Variants in TTC23 observed in about 807,000 individuals in gnomAD.
TTC23 encodes the protein tetratricopeptide repeat domain 23.
A neutral mutation model predicts 55.1 loss-of-function variants in TTC23; 58 were observed. That is an observed-to-expected ratio of 1.05 (90% CI 0.85 to 1.31). The LOEUF (loss-of-function observed/expected upper bound fraction) is 1.31, where lower values mean the gene tolerates loss of function less well. Ranked by LOEUF, TTC23 falls within the 50% of genes most tolerant of loss-of-function variation. TTC23 has a pLI of 0.00. For missense variants in TTC23, 516 were observed against 534.4 expected, an observed-to-expected ratio of 0.97 and a Z score of 0.34; for synonymous variants, 203 against 199.9, an observed-to-expected ratio of 1.02 and a Z score of -0.13.
intron 9 of TTC23, among the ~76,000 whole-genome samples, chr15:99,198,415 A>C (rs1267530327): frequency 6.6e-6 from 1 of 151,978 alleles, no homozygotes; most frequent in South Asian, 2.1e-4. Flanking sequence ...CTGCCTCCTA[A>C]ATCTTTCCTA....
At chr15:99,151,669 A>G (rs782091848) in intron 12 of TTC23, among the ~76,000 whole-genome samples, 3 of 152,202 alleles carry the variant, frequency 2.0e-5, no homozygotes, top group Non-Finnish European at 2.9e-5. Context: ...TGTCAGTGAC[A>G]ACCCAAAGAC....
Position 99,161,835 on chromosome 15 carries a change from C to T in TTC23, c.898G>A (p.Ala300Thr), listed in dbSNP as rs1239107612. The T allele has an allele frequency of 1.5e-5, 24 of 1,611,460 alleles. No homozygotes were observed. Among genetic ancestry groups the T allele is most frequent in the Non-Finnish European group, 2.0e-5 (23 of 1,179,450 alleles). ...VAEQYFQESM[A>T]HLKDSEGMGR... is the part of the protein sequence containing the mutation. Reference sequence around the variant, plus strand: ...ATCCCTTCAGAATCCTTAAGATGAGCCATGCTCTCTTGAAAATACTGCTCA... The same window carrying T: ...ATCCCTTCAGAATCCTTAAGATGAGTCATGCTCTCTTGAAAATACTGCTCA... The change falls in exon 11 of 14, where the codon GCT (alanine) becomes ACT (threonine). Residue 300 changes from alanine to threonine, a missense_variant. By Grantham distance (58) the Ala-to-Thr change is moderately conservative. Coordinates refer to ENST00000394132, the MANE Select transcript of TTC23 (RefSeq NM_001288615.3).
intron 9 of TTC23, among the ~76,000 whole-genome samples, chr15:99,194,385 G>A (rs2075514817): frequency 6.6e-6 from 1 of 151,978 alleles, no homozygotes; most frequent in Non-Finnish European, 1.5e-5. Flanking sequence ...AAGACAGTGT[G>A]GCAGTGGCAA....
intron 10 of TTC23, among the ~76,000 whole-genome samples, chr15:99,162,834 C>T (rs140951063): frequency 0.018 from 2,720 of 152,142 alleles, 82 homozygotes; most frequent in African/African-American, 0.062. Flanking sequence ...AATCCCAGCA[C>T]TTTGGGAGGC....
At chr15:99,144,573 G>A (rs1338024825) in intron 12 of TTC23, 1 of 152,272 alleles carries the variant, frequency 6.6e-6, no homozygotes, top group Non-Finnish European at 1.5e-5. Context: ...GATGATGAAG[G>A]TACTGATGGA....
intron 9 of TTC23, 57 bp from the exon 10 acceptor site, chr15:99,175,212 A>T (rs1378873148): frequency 7.1e-7 from 1 of 1,409,450 alleles, no homozygotes; most frequent in African/African-American, 1.4e-5. Flanking sequence ...AGCAGCAGGG[A>T]ATTAACTGTC....
At chr15:99,242,468 A>G (rs2079897199) in intron 2 of TTC23, among the ~76,000 whole-genome samples, 1 of 152,236 alleles carries the variant, frequency 6.6e-6, no homozygotes. Flanking sequence ...CAGAAGATAG[A>G]GAAGGAAACT....
chr15:99,246,029 C>T (rs933255877), intron 1 of TTC23, among the ~76,000 whole-genome samples: 42 of 151,926 alleles, frequency 2.8e-4, no homozygotes, highest in Admixed American at 2.2e-3. Flanking sequence ...AGGCTGTTCT[C>T]GAGCTCCTGA....
intron 8 of TTC23, among the ~76,000 whole-genome samples, chr15:99,203,014 A>G (rs927099390): frequency 2.6e-4 from 39 of 152,278 alleles, no homozygotes; most frequent in Admixed American, 1.2e-3. Context: ...TGCACACCAT[A>G]TGCAACAGCC....
At chr15:99,145,560 T>G (rs1361878234) in intron 12 of TTC23, among the ~76,000 whole-genome samples, 56 of 63,906 alleles carry the variant, frequency 8.8e-4, no homozygotes, top group South Asian at 1.6e-3. Context: ...TGGAGGGAGG[T>G]GGTGGGGATG....
intron 13 of TTC23, chr15:99,138,989 G>C (rs1325622515): frequency 9.8e-6 from 4 of 407,226 alleles, no homozygotes; most frequent in African/African-American, 2.1e-5. Flanking sequence ...CGAGGGCAGA[G>C]GGAAGCCGGA....
chr15:99,204,501 T>A (rs1187960380), intron 8 of TTC23, among the ~76,000 whole-genome samples: 1 of 152,078 alleles, frequency 6.6e-6, no homozygotes, highest in South Asian at 2.1e-4. Flanking sequence ...GTGATCCCAT[T>A]TGTCCAGTTT....
In TTC23 at chr15:99,236,300, T is replaced by TAAA. The variant is rs1407112113; in HGVS notation, c.-113-1221_-113-1220insTTT. On this transcript the variant is annotated intron_variant, in intron 3 of 13. Coordinates refer to ENST00000394132, the MANE Select transcript of TTC23 (RefSeq NM_001288615.3). ...ATTCCTCCACATTCCCGACAAAACT[T>TAAA]ATTTTCTTTTTTTAATAATAGCCAT... Among the ~76,000 whole-genome samples, 4 of 152,112 alleles carry TAAA rather than the reference T, an allele frequency of 2.6e-5. No homozygotes were observed. The East Asian group carries it at 7.7e-4, about 29-fold the overall frequency.
chr15:99,231,300 G>GT (rs1436733468), intron 4 of TTC23, among the ~76,000 whole-genome samples: 1 of 152,124 alleles, frequency 6.6e-6, no homozygotes, highest in Admixed American at 6.5e-5. Context: ...AAAGTTAACT[G>GT]TAGAAAAGCC....
chr15:99,193,661 T>C (rs1031523168), intron 9 of TTC23, among the ~76,000 whole-genome samples: 9 of 152,192 alleles, frequency 5.9e-5, no homozygotes, highest in African/African-American at 2.2e-4. Flanking sequence ...CTGATGTCTT[T>C]CCATGAACTT....
At chr15:99,175,177 A>T (rs749925997) in intron 9 of TTC23, 22 bp from the exon 10 acceptor site, 1 of 1,601,288 alleles carries the variant, frequency 6.2e-7, no homozygotes, top group Admixed American at 1.7e-5. Context: ...GAAAGAAGAA[A>T]CATGTTGTTT....
At chr15:99,235,868 C>T (rs1358198407) in intron 3 of TTC23, among the ~76,000 whole-genome samples, 1 of 152,210 alleles carries the variant, frequency 6.6e-6, no homozygotes, top group East Asian at 1.9e-4. Context: ...CTGAATCTGA[C>T]TGCTCTAGGT....
chr15:99,219,275 A>C (rs2077720398), intron 6 of TTC23, among the ~76,000 whole-genome samples: 1 of 152,218 alleles, frequency 6.6e-6, no homozygotes, highest in African/African-American at 2.4e-5. Flanking sequence ...TTTTAGAAAT[A>C]AACAAAATGA....
At chr15:99,203,511 C>CA (rs375706007) in intron 8 of TTC23, among the ~76,000 whole-genome samples, 1 of 151,730 alleles carries the variant, frequency 6.6e-6, no homozygotes, top group Non-Finnish European at 1.5e-5. Context: ...TAAAAATATA[C>CA]AAAAAAATAT....
Sources: allele counts gnomAD v4.1 joint callset (sites outside exome capture counted in the v4.1 genomes callset), GRCh38; gene constraint gnomAD v4.1.1; transcripts MANE v1.5; gene names NCBI Gene and HGNC (gene_info 2026-07-23, HGNC 2026-07-21).